Variants in ANO4 observed in about 807,000 individuals in gnomAD.
ANO4 encodes anoctamin-4.
Under a neutral mutation model 141.9 loss-of-function variants are expected in ANO4, and 69 were observed. That is an observed-to-expected ratio of 0.49 (90% CI 0.40 to 0.59). The LOEUF (loss-of-function observed/expected upper bound fraction) is 0.59, where lower values mean the gene tolerates loss of function less well. ANO4 is among the 20% of genes least tolerant of loss of function. ANO4 has a pLI of 0.00. For missense variants in ANO4, 894 were observed against 1,162.2 expected, an observed-to-expected ratio of 0.77 and a Z score of 3.36; for synonymous variants, 350 against 394.3, an observed-to-expected ratio of 0.89 and a Z score of 1.33.
At chr12:101,111,486 AAAAAT>A (rs2050662643) in intron 23 of ANO4, 72 bp from the exon 24 acceptor site, 1 of 1,356,474 alleles carries the variant, frequency 7.4e-7, no homozygotes, top group South Asian at 1.6e-5. Flanking sequence ...AAGGACTTTT[AAAAAT>A]TAATTCCATT....
intron 14 of ANO4, among the ~76,000 whole-genome samples, chr12:101,054,594 G>T (rs1281677113): frequency 1.3e-5 from 2 of 152,186 alleles, no homozygotes; most frequent in Non-Finnish European, 2.9e-5. Context: ...CCGCCTCCCG[G>T]CTTCACGCCA....
At chr12:100,754,779 C>T (rs2032538246) in intron 3 of ANO4, among the ~76,000 whole-genome samples, 1 of 151,996 alleles carries the variant, frequency 6.6e-6, no homozygotes, top group African/African-American at 2.4e-5. Flanking sequence ...CATGGATGAA[C>T]CTTGGAAACA....
intron 1 of ANO4, among the ~76,000 whole-genome samples, chr12:100,899,876 T>C (rs1005362495): frequency 1.3e-5 from 2 of 152,200 alleles, no homozygotes; most frequent in African/African-American, 4.8e-5. Context: ...GTAGATACTG[T>C]TTTATATCCC....
intron 1 of ANO4, among the ~76,000 whole-genome samples, chr12:100,896,620 G>A (rs2040367054): frequency 6.6e-6 from 1 of 152,208 alleles, no homozygotes; most frequent in African/African-American, 2.4e-5. Context: ...CCTGGTTGTG[G>A]TAATTTGTTA....
chr12:100,787,008 A>G (rs17041418), intron 3 of ANO4, among the ~76,000 whole-genome samples: 1,796 of 152,302 alleles, frequency 0.012, 44 homozygotes, highest in African/African-American at 0.041. Context: ...GAGGAAACAT[A>G]TAGTCTAGTA....
chr12:100,719,789 C>A (rs1383760169), intron 1 of ANO4, among the ~76,000 whole-genome samples: 2 of 152,044 alleles, frequency 1.3e-5, no homozygotes, highest in African/African-American at 4.8e-5. Context: ...ATTTCTGATC[C>A]CGTTCTTTCT....
chr12:101,020,010 T>C (rs762232747), intron 8 of ANO4, 24 bp from the exon 9 acceptor site: 10 of 1,571,604 alleles, frequency 6.4e-6, no homozygotes, highest in Non-Finnish European at 8.7e-6. Flanking sequence ...ATTCTCAACT[T>C]GTATTTTTAA....
intron 1 of ANO4, among the ~76,000 whole-genome samples, chr12:100,818,673 A>G (rs1021354647): frequency 1.3e-5 from 2 of 151,958 alleles, no homozygotes; most frequent in African/African-American, 2.4e-5. Flanking sequence ...GGTTTGTGAC[A>G]TTGAATAAAT....
chr12:100,926,328 A>T (rs191070115), intron 3 of ANO4, among the ~76,000 whole-genome samples: 1 of 152,242 alleles, frequency 6.6e-6, no homozygotes, highest in Admixed American at 6.5e-5. Context: ...GTGGCTGGCC[A>T]TACTCAAGTG....
At chr12:101,025,720 G>A (rs972359173) in intron 9 of ANO4, among the ~76,000 whole-genome samples, 3 of 152,128 alleles carry the variant, frequency 2.0e-5, no homozygotes, top group Non-Finnish European at 2.9e-5. Context: ...TATAACAAGG[G>A]TAATACATCA....
At chr12:101,064,943 C>T (rs1023886339) in intron 14 of ANO4, among the ~76,000 whole-genome samples, 7 of 152,070 alleles carry the variant, frequency 4.6e-5, no homozygotes, top group Non-Finnish European at 8.8e-5. Flanking sequence ...TTAGTCATTT[C>T]GTAGCCGTCT....
At chr12:100,973,295 C>A (rs900485832) in intron 6 of ANO4, among the ~76,000 whole-genome samples, 1 of 152,146 alleles carries the variant, frequency 6.6e-6, no homozygotes, top group Non-Finnish European at 1.5e-5. Flanking sequence ...GAGGAATTCT[C>A]CTACTACATC....
At chr12:100,937,721 A>G (rs1253976428) in intron 3 of ANO4, among the ~76,000 whole-genome samples, 2 of 152,122 alleles carry the variant, frequency 1.3e-5, no homozygotes, top group Non-Finnish European at 2.9e-5. Flanking sequence ...AGAAGTCCCA[A>G]AATCAAGACT....
intron 8 of ANO4, among the ~76,000 whole-genome samples, chr12:101,015,898 A>G (rs1432720169): frequency 6.6e-6 from 1 of 152,148 alleles, no homozygotes; most frequent in African/African-American, 2.4e-5. Context: ...TCATTTGGAG[A>G]AAGCTGTGGC....
chr12:100,957,145 C>T (rs1173622282), intron 5 of ANO4, among the ~76,000 whole-genome samples: 1 of 152,152 alleles, frequency 6.6e-6, no homozygotes, highest in Non-Finnish European at 1.5e-5. Flanking sequence ...CATGGTTCTA[C>T]AGGCTGGAAA....
chr12:101,127,796 T>C (rs1332484613), intron 27 of ANO4, 65 bp from the exon 28 acceptor site: 1 of 152,682 alleles, frequency 6.5e-6, no homozygotes, highest in Non-Finnish European at 1.5e-5. Context: ...TACAAACTAT[T>C]GCACCTCATG....
intron 8 of ANO4, among the ~76,000 whole-genome samples, chr12:100,992,613 T>C (rs531596074): frequency 6.6e-6 from 1 of 152,336 alleles, no homozygotes; most frequent in East Asian, 1.9e-4. Flanking sequence ...TAGATAACAT[T>C]TTTTTAACAA....
chr12:101,126,237 T>C lies in ANO4; in HGVS notation c.2677-642T>C, dbSNP rs1054327504. On this transcript the variant is annotated intron_variant, in intron 26 of 27. Transcript: ENST00000392977. ...TAGTCTCTATTTAATACTTTAGAAT[T>C]GTAATAGCCCTTAAATTGTCATCTA... Among the ~76,000 whole-genome samples, 16 of 152,340 alleles carry C rather than the reference T, an allele frequency of 1.1e-4. No homozygotes were observed. In the South Asian group the frequency reaches 2.5e-3, roughly 24 times the overall value.
intron 25 of ANO4, 152 bp downstream of exon 25, chr12:101,116,950 C>A: frequency 8.9e-7 from 1 of 1,122,382 alleles, no homozygotes; most frequent in Non-Finnish European, 1.3e-6. Flanking sequence ...ATTTTCAAGC[C>A]TTCTCTTGCC....
Sources: gnomAD v4.1 joint callset for allele counts (sites outside exome capture counted in the v4.1 genomes callset) on GRCh38, gnomAD v4.1.1 for gene constraint, MANE v1.5 for transcripts, NCBI Gene and HGNC (gene_info 2026-07-23, HGNC 2026-07-21) for gene names.